The following CTNNA3 variants were observed in gnomAD, a reference collection of about 807,000 sequenced individuals.
The protein encoded by CTNNA3 is catenin alpha 3.
A neutral mutation model predicts 95.7 loss-of-function variants in CTNNA3; 76 were observed. The observed-to-expected ratio is 0.79, with a 90% CI of 0.66 to 0.96. The LOEUF is 0.96. CTNNA3 is among the 40% of genes least tolerant of loss of function. The pLI is 0.00. For synonymous variants in CTNNA3, 431 were observed against 374.4 expected (o/e 1.15, Z -1.74); for missense variants, 1,191 against 1,089.8 (o/e 1.09, Z -1.31).
chr10:67,583,363 C>T (rs1012150526), intron 3 of CTNNA3, among the ~76,000 whole-genome samples: 1 of 152,156 alleles, frequency 6.6e-6, no homozygotes, highest in Non-Finnish European at 1.5e-5. Flanking sequence ...AAATTCTTTT[C>T]TTTAAGAATG....
intron 9 of CTNNA3, among the ~76,000 whole-genome samples, chr10:66,647,463 T>G (rs1049928168): frequency 6.6e-6 from 1 of 152,038 alleles, no homozygotes; most frequent in Non-Finnish European, 1.5e-5. Flanking sequence ...TAGTTAACAT[T>G]TAAGTAATTT....
chr10:66,273,260 T>C (rs547095598), intron 13 of CTNNA3, among the ~76,000 whole-genome samples: 1 of 152,196 alleles, frequency 6.6e-6, no homozygotes, highest in Admixed American at 6.5e-5. Context: ...TGCAATACTA[T>C]ATGACTAATG....
At chr10:66,185,475 A>G (rs1264516353) in intron 13 of CTNNA3, among the ~76,000 whole-genome samples, 1 of 152,096 alleles carries the variant, frequency 6.6e-6, no homozygotes, top group Admixed American at 6.5e-5. Flanking sequence ...TGCATTTGAA[A>G]AAAATCTATA....
intron 17 of CTNNA3, among the ~76,000 whole-genome samples, chr10:65,959,019 C>T (rs1034312900): frequency 5.9e-5 from 9 of 152,206 alleles, no homozygotes; most frequent in African/African-American, 2.2e-4. Flanking sequence ...GGCAGGCTTC[C>T]TTGAGCTGCG....
intron 1 of CTNNA3, among the ~76,000 whole-genome samples, chr10:67,726,586 TG>T (rs1841226922): frequency 1.5e-5 from 1 of 66,590 alleles, no homozygotes; most frequent in Non-Finnish European, 2.5e-5. Context: ...TTATATAATA[TG>T]TAATATTATA....
At chr10:66,576,022 T>C (rs531974609) in intron 10 of CTNNA3, among the ~76,000 whole-genome samples, 22 of 152,132 alleles carry the variant, frequency 1.4e-4, no homozygotes, top group African/African-American at 5.3e-4. Context: ...GGCTGCTGCA[T>C]GCAAAGGAAT....
At chr10:67,611,690 C>A (rs565968306) in intron 2 of CTNNA3, among the ~76,000 whole-genome samples, 2 of 152,082 alleles carry the variant, frequency 1.3e-5, no homozygotes, top group Non-Finnish European at 2.9e-5. Context: ...CAATATAGTT[C>A]TGATTTTTTT....
chr10:66,619,026 A>G (rs2132309201), intron 10 of CTNNA3, among the ~76,000 whole-genome samples: 1 of 152,220 alleles, frequency 6.6e-6, no homozygotes, highest in East Asian at 1.9e-4. Context: ...ATCTCACACC[A>G]GTTAGAATGG....
At chr10:67,760,563 C>T (rs1564847935) in intron 1 of CTNNA3, among the ~76,000 whole-genome samples, 1 of 152,140 alleles carries the variant, frequency 6.6e-6, no homozygotes, top group Non-Finnish European at 1.5e-5. Context: ...CTATATAATA[C>T]AGCCCATGGT....
At chr10:66,730,285 A>T (rs1413779841) in intron 9 of CTNNA3, among the ~76,000 whole-genome samples, 1 of 152,176 alleles carries the variant, frequency 6.6e-6, no homozygotes, top group East Asian at 1.9e-4. Context: ...AAGGAATGAG[A>T]TCATGTCATT....
At chr10:67,260,836 C>T (rs1047124749) in intron 5 of CTNNA3, among the ~76,000 whole-genome samples, 1 of 152,076 alleles carries the variant, frequency 6.6e-6, no homozygotes, top group Non-Finnish European at 1.5e-5. Flanking sequence ...AGGCATGTGC[C>T]ACCACACCCG....
At chr10:66,065,950 G>A (rs910124316) in intron 15 of CTNNA3, among the ~76,000 whole-genome samples, 7 of 151,876 alleles carry the variant, frequency 4.6e-5, no homozygotes, top group Non-Finnish European at 8.8e-5. Context: ...CACAATCTCC[G>A]CATCCTGGGT....
chr10:66,462,636 C>T (rs1175501072), intron 11 of CTNNA3, among the ~76,000 whole-genome samples: 2 of 152,050 alleles, frequency 1.3e-5, no homozygotes, highest in Non-Finnish European at 2.9e-5. Context: ...TTCTTGAGGA[C>T]TTATTAGCTC....
intron 13 of CTNNA3, among the ~76,000 whole-genome samples, chr10:66,191,764 T>C (rs1213909044): frequency 6.6e-6 from 1 of 152,184 alleles, no homozygotes; most frequent in African/African-American, 2.4e-5. Context: ...GGGGACAGAC[T>C]ATCCATAATG....
At chr10:66,782,923 A>G (rs1166556756) in intron 7 of CTNNA3, among the ~76,000 whole-genome samples, 2 of 152,128 alleles carry the variant, frequency 1.3e-5, no homozygotes, top group African/African-American at 4.8e-5. Context: ...GGTTTCTAAA[A>G]TAAGCTCTCT....
Position 66,520,454 on chromosome 10 carries a change from G to A in CTNNA3, c.1531+163C>T, listed in dbSNP as rs142854827. 0.011 allele frequency: 5,450 copies of A among 509,708 alleles called. 36 individuals are homozygous for A. The highest frequency in any genetic ancestry group is 0.014 in the Non-Finnish European group (4,131 of 300,066). 31.6% of individuals were successfully genotyped at this position (509,708 alleles called of 1,614,324 possible). A position where few individuals can be genotyped will look rare whatever the true frequency, so the allele number is the denominator to read the frequency against. ...TTTAGTAGAGCGGGGGTTTCATCAT[G>A]TTGGCCAGGCTGGTATCGAATCCCT... is the stretch of plus-strand genomic sequence containing the variant. On this transcript the variant is annotated intron_variant, in intron 11 of 17. Coordinates refer to ENST00000433211, the MANE Select transcript of CTNNA3 (RefSeq NM_013266.4).
At chr10:67,726,703 A>ATATCG (rs1841231136) in intron 1 of CTNNA3, among the ~76,000 whole-genome samples, 1 of 42 alleles carries the variant, frequency 0.024, no homozygotes, top group African/African-American at 0.071. Context: ...TATATATAAT[A>ATATCG]TATATCATAT....
At chr10:67,219,496 A>G in intron 6 of CTNNA3, 111 bp downstream of exon 6, 1 of 1,244,214 alleles carries the variant, frequency 8.0e-7, no homozygotes, top group Non-Finnish European at 1.1e-6. Context: ...ACTAATCTGG[A>G]TTTTTTATTT....
At chr10:67,357,200 A>G (rs546578466) in intron 5 of CTNNA3, among the ~76,000 whole-genome samples, 5 of 152,076 alleles carry the variant, frequency 3.3e-5, no homozygotes. Context: ...AACTCTCCTC[A>G]CTGTCTGAAA....
Sources: gnomAD v4.1 joint callset for allele counts (sites outside exome capture counted in the v4.1 genomes callset) on GRCh38, gnomAD v4.1.1 for gene constraint, MANE v1.5 for transcripts, NCBI Gene and HGNC (gene_info 2026-07-23, HGNC 2026-07-21) for gene names.